MICU3: variants seen among roughly 807,000 people sequenced by gnomAD.
MICU3 encodes the protein mitochondrial calcium uptake 3.
Under a neutral mutation model 66.5 loss-of-function variants are expected in MICU3, and 62 were observed. The ratio of observed to expected loss-of-function variants is 0.93; its 90% confidence interval spans 0.76 to 1.15. The LOEUF (loss-of-function observed/expected upper bound fraction) is 1.15. Ranked by LOEUF, MICU3 falls within the 50% of genes most tolerant of loss-of-function variation. The pLI, the probability that MICU3 is intolerant of heterozygous loss-of-function variation, is 0.00. For synonymous variants in MICU3, 308 were observed against 240.7 expected, an observed-to-expected ratio of 1.28 and a Z score of -2.59; for missense variants, 779 against 664.4, an observed-to-expected ratio of 1.17 and a Z score of -1.90.
chr8:17,118,818 G>C (rs1802944252), intron 14 of MICU3, 43 bp downstream of exon 14: 2 of 1,138,148 alleles, frequency 1.8e-6, no homozygotes, highest in Admixed American at 3.5e-5. Flanking sequence ...AGTAACAATA[G>C]GGATCATAAT....
At chr8:17,097,502 A>C (rs1204078564) in intron 8 of MICU3, among the ~76,000 whole-genome samples, 1 of 151,758 alleles carries the variant, frequency 6.6e-6, no homozygotes, top group African/African-American at 2.4e-5. Flanking sequence ...AGTAATAGTG[A>C]ATTGAAACTT....
intron 11 of MICU3, among the ~76,000 whole-genome samples, chr8:17,108,910 G>A (rs1801970884): frequency 3.3e-5 from 5 of 152,036 alleles, no homozygotes; most frequent in Admixed American, 3.3e-4. Flanking sequence ...AGCTCACTCT[G>A]CACCAACCAC....
chr8:17,117,607 C>CTTT lies in MICU3; in HGVS notation c.1524+1023_1524+1025dup, dbSNP rs1244315510. 5.2e-3 allele frequency among the ~76,000 whole-genome samples: 669 copies of CTTT among 129,424 alleles called. 12 individuals carry two copies. The highest frequency in any genetic ancestry group is 0.018 in the African/African-American group (634 of 34,722). 84.9% of individuals were successfully genotyped at this position (129,424 alleles called of 152,430 possible). A position where few individuals can be genotyped will look rare whatever the true frequency, so the allele number is the denominator to read the frequency against. ...TGCAAGAATATCCCTAAGTTTTATC[C>CTTT]TTTTTTTTTTTTTTTTTTGAGATGG... On this transcript the variant is annotated intron_variant, in intron 13 of 14. Coordinates refer to ENST00000318063, the MANE Select transcript of MICU3 (RefSeq NM_181723.3).
the MICU3 span, among the ~76,000 whole-genome samples, chr8:17,133,747 G>A: frequency 1.8e-4 from 28 of 152,088 alleles, no homozygotes; most frequent in African/African-American, 6.3e-4. Context: ...CACTATTTAT[G>A]GAATAATTCT....
chr8:17,085,063 T>C (rs1464545507), intron 5 of MICU3, among the ~76,000 whole-genome samples, 173 bp from the exon 6 acceptor site: 1 of 152,132 alleles, frequency 6.6e-6, no homozygotes, highest in Non-Finnish European at 1.5e-5. Flanking sequence ...TTAAAGTATA[T>C]TATCAATTTT....
chr8:17,097,070 C>G (rs1186216097), intron 8 of MICU3, among the ~76,000 whole-genome samples: 1 of 151,174 alleles, frequency 6.6e-6, no homozygotes, highest in East Asian at 1.9e-4. Flanking sequence ...ACTCTTCTAA[C>G]AGTAGTGCAC....
chr8:17,102,639 C>T (rs1585511414), intron 9 of MICU3: 1 of 151,934 alleles, frequency 6.6e-6, no homozygotes, highest in Non-Finnish European at 1.5e-5. Context: ...ATACTAGTCT[C>T]CCCTCACTTA....
the MICU3 span, among the ~76,000 whole-genome samples, chr8:17,133,509 C>G: frequency 6.6e-6 from 1 of 152,038 alleles, no homozygotes. Flanking sequence ...ATATATATCT[C>G]AAAGATTTTC....
In MICU3 at chr8:17,027,439, G is replaced by C; in HGVS notation, c.160G>C (p.Ala54Pro). Residue 54 changes from alanine to proline, a missense_variant, in exon 1 of 15, where the codon GCG (alanine) becomes CCG (proline). Physicochemically the swap from Ala to Pro is conservative, Grantham distance 27 (BLOSUM62 -1). Transcript: ENST00000318063. ...SSREDEERAV[A>P]EAAWRRRRRW... is the part of the protein sequence containing the mutation. ...CCGAGAGGATGAGGAGAGGGCTGTG[G>C]CGGAGGCGGCATGGAGGCGGCGGCG... 7.6e-7 allele frequency: 1 copy of C among 1,312,584 alleles called. No individual in the cohort carries two copies. The highest frequency in any genetic ancestry group is 9.7e-7 in the Non-Finnish European group (1 of 1,035,804). The allele number at this position is 1,312,584 out of a possible 1,614,324, so 81.3% of individuals were successfully genotyped here.
intron 1 of MICU3, among the ~76,000 whole-genome samples, chr8:17,032,561 T>G (rs1812273416): frequency 6.6e-6 from 1 of 152,232 alleles, no homozygotes; most frequent in African/African-American, 2.4e-5. Context: ...TTCATATCTG[T>G]AATAATTGCA....
At chr8:17,085,125 CTACTATCTTTA>C in intron 5 of MICU3, 100 bp from the exon 6 acceptor site, 1 of 609,138 alleles carries the variant, frequency 1.6e-6, no homozygotes, top group Non-Finnish European at 2.9e-6. Context: ...TATACGCTTT[CTACTATCTTTA>C]ACCAATACAG....
chr8:17,027,801 G>T, intron 1 of MICU3, 141 bp downstream of exon 1: 1 of 1,087,464 alleles, frequency 9.2e-7, no homozygotes, highest in Non-Finnish European at 1.2e-6. Context: ...TGACACCTAG[G>T]CCGGACAGCC....
At chr8:17,081,588 A>G (rs1046103812) in intron 4 of MICU3, 105 bp from the exon 5 acceptor site, 43 of 345,058 alleles carry the variant, frequency 1.2e-4, no homozygotes, top group Non-Finnish European at 6.4e-5. Flanking sequence ...TTGTCATTTA[A>G]AATAATATCT....
At position 17,114,272 on chromosome 8, in the gene MICU3, A is replaced by G. The variant is rs559536513; in HGVS notation, c.1366+71A>G. The G allele has an allele frequency of 3.4e-5, 32 of 939,398 alleles. 2 individuals are homozygous for G. The South Asian group carries it at 3.7e-4, about 11-fold the overall frequency. The allele number at this position is 939,398 out of a possible 1,614,324, so 58.2% of individuals were successfully genotyped here. ...TTGTTTCTATAGATTTTGGCAACCA[A>G]TTAATTAAATATGACATATCACCCA... On this transcript the variant is annotated intron_variant, in intron 12 of 14. Transcript: ENST00000318063.
chr8:17,043,141 G>C (rs897634484), intron 1 of MICU3, among the ~76,000 whole-genome samples: 4 of 151,252 alleles, frequency 2.6e-5, no homozygotes, highest in African/African-American at 9.8e-5. Flanking sequence ...GGGTTTCACC[G>C]TGTTAGCCAG....
chr8:17,083,893 TAAG>T (rs1821558891), intron 5 of MICU3, among the ~76,000 whole-genome samples: 1 of 152,050 alleles, frequency 6.6e-6, no homozygotes, highest in Admixed American at 6.6e-5. Flanking sequence ...TAGGCAAGGA[TAAG>T]AAGTGTTGGC....
At chr8:17,108,185 G>A (rs979386236) in intron 11 of MICU3, among the ~76,000 whole-genome samples, 1 of 152,134 alleles carries the variant, frequency 6.6e-6, no homozygotes, top group African/African-American at 2.4e-5. Flanking sequence ...GGTTAGGAGG[G>A]AATCAAGAGT....
intron 1 of MICU3, among the ~76,000 whole-genome samples, chr8:17,055,853 A>G (rs1013906537): frequency 3.3e-5 from 5 of 152,222 alleles, no homozygotes; most frequent in Non-Finnish European, 7.3e-5. Context: ...TGTCTAATAC[A>G]GTAGAGAAGG....
chr8:17,086,179 C>T (rs1288269202), intron 6 of MICU3, among the ~76,000 whole-genome samples: 2 of 151,922 alleles, frequency 1.3e-5, no homozygotes, highest in Admixed American at 6.6e-5. Context: ...TCTACTTTTC[C>T]TTTGTAACAT....
Sources: gnomAD v4.1 joint callset for allele counts (sites outside exome capture counted in the v4.1 genomes callset) on GRCh38, gnomAD v4.1.1 for gene constraint, MANE v1.5 for transcripts, NCBI Gene and HGNC (gene_info 2026-07-23, HGNC 2026-07-21) for gene names.